Variants in RALA observed in about 807,000 individuals in gnomAD.
RALA encodes the protein RAS like proto-oncogene A, also known as ras-related protein Ral-A.
In RALA, 5 loss-of-function variants were observed where a neutral mutation model predicts 24.0. The ratio of observed to expected loss-of-function variants is 0.21; its 90% CI spans 0.11 to 0.44. The LOEUF (loss-of-function observed/expected upper bound fraction) is 0.44. Among genes scored for constraint, RALA ranks in the 20% least tolerant of loss-of-function variants. RALA has a pLI of 0.99. For missense variants in RALA, 95 were observed against 241.2 expected, an observed-to-expected ratio of 0.39 and a Z score of 4.01; for synonymous variants, 77 against 83.8, an observed-to-expected ratio of 0.92 and a Z score of 0.44.
Position 39,683,177 on chromosome 7 carries a change from T to TA in RALA, c.-37-3448dup, listed in dbSNP as rs1792636304. Among the ~76,000 whole-genome samples, 3 of 152,124 alleles carry TA rather than the reference T, an allele frequency of 2.0e-5. No homozygotes were observed. In the South Asian group the frequency reaches 6.2e-4, roughly 32 times the overall value. ...GAAGTGTAAGAGATAAATTTCTTTT[T>TA]AAAAAATAAATTACCCAGTCTCAGA... is the stretch of plus-strand genomic sequence containing the variant. On this transcript the variant is annotated intron_variant, in intron 1 of 4. Coordinates refer to ENST00000005257, the MANE Select transcript of RALA (RefSeq NM_005402.4).
At chr7:39,678,342 T>C (rs559735457) in intron 1 of RALA, among the ~76,000 whole-genome samples, 1 of 152,262 alleles carries the variant, frequency 6.6e-6, no homozygotes, top group South Asian at 2.1e-4. Context: ...TAACTAAACA[T>C]ACAAGGGCAG....
chr7:39,645,489 T>G (rs753536194), intron 1 of RALA, among the ~76,000 whole-genome samples: 1 of 152,176 alleles, frequency 6.6e-6, no homozygotes, highest in Non-Finnish European at 1.5e-5. Context: ...AATTGAGGGT[T>G]TTTTCTTCAG....
intron 1 of RALA, among the ~76,000 whole-genome samples, chr7:39,681,302 CTTTTTTTTTTTTTTTTTTTT>C (rs70996832): frequency 3.6e-4 from 18 of 50,008 alleles, no homozygotes; most frequent in Non-Finnish European, 5.7e-4. Flanking sequence ...CACCCTATTC[CTTTTTTTTTTTTTTTTTTTT>C]TTTTTTTTTT....
At chr7:39,702,346 T>C (rs1793044261) in intron 4 of RALA, among the ~76,000 whole-genome samples, 1 of 152,218 alleles carries the variant, frequency 6.6e-6, no homozygotes, top group African/African-American at 2.4e-5. Context: ...TTTTTCTTCC[T>C]GTATTAATAG....
chr7:39,666,415 A>G (rs1375744811), intron 1 of RALA, among the ~76,000 whole-genome samples: 1 of 152,246 alleles, frequency 6.6e-6, no homozygotes, highest in East Asian at 1.9e-4. Flanking sequence ...ACAGCATTCA[A>G]GATCACCTGT....
At chr7:39,652,671 TA>T (rs1278553581) in intron 1 of RALA, among the ~76,000 whole-genome samples, 1 of 152,234 alleles carries the variant, frequency 6.6e-6, no homozygotes, top group East Asian at 1.9e-4. Context: ...AGAAAAGTTT[TA>T]CAGAGGTTTG....
At chr7:39,693,526 C>T (rs962667228) in intron 3 of RALA, among the ~76,000 whole-genome samples, 1 of 152,118 alleles carries the variant, frequency 6.6e-6, no homozygotes, top group African/African-American at 2.4e-5. Context: ...CGGTAACAAA[C>T]CTGCACGTTG....
At chr7:39,662,764 TC>T (rs1157546580) in intron 1 of RALA, among the ~76,000 whole-genome samples, 1 of 152,198 alleles carries the variant, frequency 6.6e-6, no homozygotes, top group African/African-American at 2.4e-5. Context: ...TCCAGACTGT[TC>T]CAATCTCTGC....
At chr7:39,625,647 A>C (rs932350868) in intron 1 of RALA, among the ~76,000 whole-genome samples, 1 of 152,210 alleles carries the variant, frequency 6.6e-6, no homozygotes, top group Non-Finnish European at 1.5e-5. Flanking sequence ...GTGTGCAATA[A>C]TATGGATCAT....
chr7:39,697,900 A>G (rs1413254154), intron 4 of RALA, among the ~76,000 whole-genome samples: 3 of 152,084 alleles, frequency 2.0e-5, no homozygotes. Context: ...TGAGTACTAC[A>G]GGATTCTATT....
At chr7:39,657,085 G>T (rs1483928289) in intron 1 of RALA, among the ~76,000 whole-genome samples, 1 of 152,054 alleles carries the variant, frequency 6.6e-6, no homozygotes, top group African/African-American at 2.4e-5. Context: ...CTCCCGTTCA[G>T]TCTCCCGGGT....
chr7:39,660,675 GT>G (rs1276520666), intron 1 of RALA, among the ~76,000 whole-genome samples: 2 of 151,978 alleles, frequency 1.3e-5, no homozygotes, highest in Non-Finnish European at 2.9e-5. Context: ...AACCACAATA[GT>G]TTACTTACGC....
At chr7:39,653,894 A>G (rs1477789563) in intron 1 of RALA, among the ~76,000 whole-genome samples, 1 of 152,100 alleles carries the variant, frequency 6.6e-6, no homozygotes, top group Non-Finnish European at 1.5e-5. Context: ...GTTTTTTTCC[A>G]TCTGAATATG....
intron 1 of RALA, among the ~76,000 whole-genome samples, chr7:39,629,945 G>A (rs1562605604): frequency 1.3e-5 from 2 of 152,072 alleles, no homozygotes; most frequent in Non-Finnish European, 2.9e-5. Flanking sequence ...TGGTCAGGCT[G>A]GTCTCAAACT....
chr7:39,635,518 A>C (rs1435762680), intron 1 of RALA, among the ~76,000 whole-genome samples: 1 of 152,190 alleles, frequency 6.6e-6, no homozygotes, highest in East Asian at 1.9e-4. Flanking sequence ...TCTGCCCCTC[A>C]GCCCCTGGCA....
intron 2 of RALA, among the ~76,000 whole-genome samples, chr7:39,687,624 A>T (rs1203554627): frequency 6.6e-6 from 1 of 152,208 alleles, no homozygotes; most frequent in African/African-American, 2.4e-5. Flanking sequence ...ATAGCAATAT[A>T]GTCTTTCCCT....
At chr7:39,700,203 G>T (rs896422842) in intron 4 of RALA, 2 of 152,172 alleles carry the variant, frequency 1.3e-5, no homozygotes, top group African/African-American at 2.4e-5. Flanking sequence ...GAACCTTTAT[G>T]GGTAAAACAG....
chr7:39,699,136 T>TTTTA (rs1713892300), intron 4 of RALA, among the ~76,000 whole-genome samples: 1 of 123,864 alleles, frequency 8.1e-6, no homozygotes, highest in South Asian at 3.0e-4. Context: ...TTTTTTTTTT[T>TTTTA]TTTTTTTTTT....
At position 39,675,908 on chromosome 7, in the gene RALA, T is replaced by G. The variant is rs145283237; in HGVS notation, c.-37-10723T>G. ...AGTTGTTTATATGAAATACTTTCCA[T>G]TCACTAAGACGGCCTTTACCTACTT... On this transcript the variant is annotated intron_variant, in intron 1 of 4. Coordinates refer to ENST00000005257, the MANE Select transcript of RALA (RefSeq NM_005402.4). 2.7e-4 allele frequency among the ~76,000 whole-genome samples: 41 copies of G among 152,276 alleles called. No homozygotes were observed. The East Asian group carries it at 7.3e-3, about 27-fold the overall frequency.
Sources: gnomAD v4.1 joint callset for allele counts (sites outside exome capture counted in the v4.1 genomes callset) on GRCh38, gnomAD v4.1.1 for gene constraint, MANE v1.5 for transcripts, NCBI Gene and HGNC (gene_info 2026-07-23, HGNC 2026-07-21) for gene names.